The following PRIMA1 variants were observed in gnomAD, a reference collection of about 807,000 sequenced individuals.
The protein encoded by PRIMA1 is proline-rich membrane anchor 1.
Under a neutral mutation model 17.5 loss-of-function variants are expected in PRIMA1, and 7 were observed. The ratio of observed to expected loss-of-function variants is 0.40; its 90% CI spans 0.23 to 0.75. The LOEUF is 0.75. Among genes scored for constraint, PRIMA1 ranks in the 30% least tolerant of loss-of-function variants. The pLI is 0.37. For missense variants in PRIMA1, 200 were observed against 201.8 expected, an observed-to-expected ratio of 0.99 and a Z score of 0.05; for synonymous variants, 97 against 77.9, an observed-to-expected ratio of 1.25 and a Z score of -1.29.
chr14:93,779,167 A>G lies in PRIMA1; in HGVS notation c.229+9T>C, dbSNP rs546660298. On this transcript the variant is annotated intron_variant, in intron 3 of 4. Transcript: ENST00000393140. ...GAGAAACCCGAAAATGGAGTGAGCCATTACTTACCTGGGGCGGAGAGGAGT... is the reference window on the plus strand; with the variant it reads ...GAGAAACCCGAAAATGGAGTGAGCCGTTACTTACCTGGGGCGGAGAGGAGT... 5 of 1,284,844 alleles carry G rather than the reference A, an allele frequency of 3.9e-6. No individual in the cohort carries two copies. The highest frequency in any genetic ancestry group is 9.3e-5 in the East Asian group (2 of 21,462). The allele number at this position is 1,284,844 out of a possible 1,614,324, so 79.6% of individuals were successfully genotyped here. A position where few individuals can be genotyped will look rare whatever the true frequency, so the allele number is the denominator to read the frequency against.
chr14:93,783,491 C>T (rs376630980), intron 2 of PRIMA1, among the ~76,000 whole-genome samples: 53 of 152,286 alleles, frequency 3.5e-4, no homozygotes, highest in African/African-American at 1.2e-3. Context: ...CCTCGGGTGT[C>T]TGGAGCTTGT....
chr14:93,782,356 C>G (rs953132375), intron 2 of PRIMA1, among the ~76,000 whole-genome samples: 2 of 152,176 alleles, frequency 1.3e-5, no homozygotes, highest in South Asian at 4.1e-4. Flanking sequence ...CGGAGGCTGA[C>G]GCCGGTAATC....
chr14:93,729,118 T>C (rs1330339026), intron 4 of PRIMA1, among the ~76,000 whole-genome samples: 1 of 152,208 alleles, frequency 6.6e-6, no homozygotes, highest in African/African-American at 2.4e-5. Flanking sequence ...GAAGGCGCAC[T>C]GGCCAAGGAG....
At chr14:93,775,830 C>A (rs906707601) in intron 3 of PRIMA1, among the ~76,000 whole-genome samples, 3 of 152,214 alleles carry the variant, frequency 2.0e-5, no homozygotes, top group Non-Finnish European at 4.4e-5. Flanking sequence ...CCCTTCTATT[C>A]GGATTTTCCT....
At chr14:93,752,594 A>G (rs984502633) in intron 3 of PRIMA1, among the ~76,000 whole-genome samples, 2 of 152,164 alleles carry the variant, frequency 1.3e-5, no homozygotes, top group Non-Finnish European at 2.9e-5. Context: ...AAACAGGGCC[A>G]GGCCCCAGGC....
At chr14:93,725,502 A>ACG (rs2076069532) in intron 4 of PRIMA1, among the ~76,000 whole-genome samples, 1 of 152,068 alleles carries the variant, frequency 6.6e-6, no homozygotes, top group African/African-American at 2.4e-5. Flanking sequence ...CTTCAGGGTG[A>ACG]CGCTGCGGAA....
chr14:93,787,608 G>A lies in PRIMA1; in HGVS notation c.93+18C>T, dbSNP rs1353176063. ...CCCAGGAGGCCCTCCCAGCCAGTGC[G>A]CAGCCGGCGCGTCTCACCTGCACGA... On this transcript the variant is annotated intron_variant, in intron 2 of 4. Coordinates refer to ENST00000393140, the MANE Select transcript of PRIMA1 (RefSeq NM_178013.4). 7 of 1,539,492 alleles carry A rather than the reference G, an allele frequency of 4.5e-6. No individual in the cohort carries two copies. The highest frequency in any genetic ancestry group is 6.1e-6 in the Non-Finnish European group (7 of 1,146,760).
chr14:93,767,797 C>A (rs1466600184), intron 3 of PRIMA1, among the ~76,000 whole-genome samples: 1 of 152,190 alleles, frequency 6.6e-6, no homozygotes, highest in Non-Finnish European at 1.5e-5. Flanking sequence ...AGGAATGAGC[C>A]ATCATCCCCA....
intron 2 of PRIMA1, among the ~76,000 whole-genome samples, chr14:93,783,322 C>T (rs191948564): frequency 3.3e-5 from 5 of 152,300 alleles, no homozygotes; most frequent in Non-Finnish European, 2.9e-5. Context: ...GAAGGCTCAG[C>T]GAAGCTAAAT....
intron 4 of PRIMA1, among the ~76,000 whole-genome samples, chr14:93,730,191 T>C (rs2076104968): frequency 6.6e-6 from 1 of 152,120 alleles, no homozygotes. Flanking sequence ...GGGAGAGAGA[T>C]GAGTAAGATG....
intron 3 of PRIMA1, among the ~76,000 whole-genome samples, chr14:93,748,047 AGT>A (rs55972875): frequency 6.7e-6 from 1 of 150,374 alleles, no homozygotes. Flanking sequence ...GGAGTGTGTG[AGT>A]GTGTGTATGT....
chr14:93,730,781 C>G (rs937332201), intron 4 of PRIMA1, among the ~76,000 whole-genome samples: 4 of 152,162 alleles, frequency 2.6e-5, no homozygotes. Context: ...CACTGATTAA[C>G]TTTCTATTGA....
In PRIMA1 at chr14:93,718,375, T is replaced by A. The variant is rs1260017862; in HGVS notation, c.*3069A>T. On this transcript the variant is annotated 3_prime_UTR_variant, in exon 5 of 5. Coordinates refer to ENST00000393140, the MANE Select transcript of PRIMA1 (RefSeq NM_178013.4). Reference sequence around the variant, plus strand: ...ATAAGTGGCATATGGACACCCCCAGTGCTGCCGGTCTCGCTTCCGGTACAA... The same window carrying A: ...ATAAGTGGCATATGGACACCCCCAGAGCTGCCGGTCTCGCTTCCGGTACAA... 6.6e-6 allele frequency: 1 copy of A among 152,490 alleles called. No homozygotes were observed. The highest frequency in any genetic ancestry group is 2.4e-5 in the African/African-American group (1 of 41,534). 9.4% of individuals were successfully genotyped at this position (152,490 alleles called of 1,614,324 possible).
At chr14:93,737,519 G>C (rs1408767684) in intron 3 of PRIMA1, 149 bp from the exon 4 acceptor site, 1 of 856,376 alleles carries the variant, frequency 1.2e-6, no homozygotes, top group African/African-American at 1.8e-5. Context: ...GGCGTGGGGA[G>C]GTCACTGGTG....
intron 2 of PRIMA1, among the ~76,000 whole-genome samples, chr14:93,782,551 G>C (rs1885413303): frequency 6.6e-6 from 1 of 151,330 alleles, no homozygotes; most frequent in African/African-American, 2.4e-5. Flanking sequence ...AGCCCAGGAG[G>C]TTGAGGCTGC....
intron 4 of PRIMA1, among the ~76,000 whole-genome samples, chr14:93,727,169 TG>T (rs1332943884): frequency 6.6e-6 from 1 of 152,170 alleles, no homozygotes; most frequent in African/African-American, 2.4e-5. Flanking sequence ...GACCATCCCC[TG>T]GGATCACCTG....
chr14:93,732,181 G>A (rs907030463), intron 4 of PRIMA1, among the ~76,000 whole-genome samples: 3 of 152,244 alleles, frequency 2.0e-5, no homozygotes, highest in Admixed American at 1.3e-4. Flanking sequence ...TGTTCATCCT[G>A]TGCCAGCATG....
chr14:93,779,716 C>T (rs191009770), intron 2 of PRIMA1, among the ~76,000 whole-genome samples: 10 of 152,330 alleles, frequency 6.6e-5, no homozygotes, highest in Non-Finnish European at 1.2e-4. Context: ...AGCCCAACCG[C>T]TTCTCCTGTC....
intron 2 of PRIMA1, among the ~76,000 whole-genome samples, chr14:93,780,221 C>T (rs1437362978): frequency 1.3e-5 from 2 of 152,222 alleles, no homozygotes; most frequent in East Asian, 3.9e-4. Context: ...GTGTCTCTGA[C>T]CTCTTTATCC....
Sources: gnomAD v4.1 joint callset for allele counts (sites outside exome capture counted in the v4.1 genomes callset) on GRCh38, gnomAD v4.1.1 for gene constraint, MANE v1.5 for transcripts, NCBI Gene and HGNC (gene_info 2026-07-23, HGNC 2026-07-21) for gene names.